Variants in RPL27A observed in about 807,000 individuals in gnomAD.
The protein encoded by RPL27A is ribosomal protein L27a.
For missense variants in RPL27A, 118 were observed against 189.4 expected, an observed-to-expected ratio of 0.62 and a Z score of 2.21; for synonymous variants, 69 against 68.3, an observed-to-expected ratio of 1.01 and a Z score of -0.05.
Position 8,685,959 on chromosome 11 carries a change from CT to C in RPL27A, c.*154del, listed in dbSNP as rs2039583588. The stretch of plus-strand genomic sequence containing the variant: ...GACATGGGGTCCTCTCCTGACTTCC[CT>C]CAAATATATGGTAAACGTAAGACCA... On this transcript the variant is annotated 3_prime_UTR_variant, in exon 5 of 5. Transcript: ENST00000314138. The C allele has an allele frequency of 4.6e-6, 3 of 655,824 alleles. No individual in the cohort carries two copies. The highest frequency in any genetic ancestry group is 2.9e-5 in the Admixed American group (1 of 34,186). 40.6% of individuals were successfully genotyped at this position (655,824 alleles called of 1,614,324 possible). A position where few individuals can be genotyped will look rare whatever the true frequency, so the allele number is the denominator to read the frequency against.
chr11:8,683,933 T>A (rs7951084), intron 2 of RPL27A, 73 bp from the exon 3 acceptor site: 2 of 1,207,264 alleles, frequency 1.7e-6, no homozygotes, highest in Non-Finnish European at 2.4e-6. Flanking sequence ...CTACCCCCCC[T>A]CGTCCTCCTA....
Position 8,684,863 on chromosome 11 carries a change from G to A in RPL27A, c.289G>A (p.Ala97Thr), listed in dbSNP as rs771866264. 1.9e-6 allele frequency: 3 copies of A among 1,614,138 alleles called. No individual in the cohort carries two copies. Among genetic ancestry groups the A allele is most frequent in the Non-Finnish European group, 2.5e-6 (3 of 1,179,986 alleles). ...RVNAAKNKTG[A>T]APIIDVVRSG... ...GAATGCTGCTAAAAACAAGACTGGG[G>A]CTGCTCCCATCATTGATGTGGTGCG... The change falls in exon 4 of 5, where the codon GCT becomes ACT. Residue 97 changes from alanine to threonine, a missense_variant. Coordinates refer to ENST00000314138, the MANE Select transcript of RPL27A (RefSeq NM_000990.5).
At chr11:8,683,305 CTT>C in intron 2 of RPL27A, 40 bp downstream of exon 2, 2 of 1,569,012 alleles carry the variant, frequency 1.3e-6, no homozygotes, top group Non-Finnish European at 1.8e-6. Flanking sequence ...CTTGGGCTCT[CTT>C]CGGGTGCTTA....
rs2039607635 is a variant in RPL27A at position 8,688,530 on chromosome 11, C to T, written c.*2724C>T. On this transcript the variant is annotated 3_prime_UTR_variant, in exon 5 of 5. Coordinates refer to ENST00000314138, the MANE Select transcript of RPL27A (RefSeq NM_000990.5). ...CTAAAATATTTTCATGACTGCCAAGCTTTGAATAGCCTGCTGTGTTCATGG... is the reference window on the plus strand; with the variant it reads ...CTAAAATATTTTCATGACTGCCAAGTTTTGAATAGCCTGCTGTGTTCATGG... 6.6e-6 allele frequency: 1 copy of T among 152,228 alleles called. No homozygotes were observed. The highest frequency in any genetic ancestry group is 6.5e-5 in the Admixed American group (1 of 15,286). 9.4% of individuals were successfully genotyped at this position (152,228 alleles called of 1,614,324 possible).
At chr11:8,683,829 C>A (rs780894951) in intron 2 of RPL27A, 177 bp from the exon 3 acceptor site, 88 of 625,324 alleles carry the variant, frequency 1.4e-4, no homozygotes, top group Admixed American at 2.3e-4. Context: ...AGGTGTGCGC[C>A]ACGACGCCCG....
At chr11:8,684,669 T>C in intron 3 of RPL27A, 49 bp from the exon 4 acceptor site, 1 of 1,516,384 alleles carries the variant, frequency 6.6e-7, no homozygotes, top group Non-Finnish European at 9.1e-7. Flanking sequence ...ATGATAAACA[T>C]AGCATCTTAA....
intron 3 of RPL27A, chr11:8,684,344 G>T (rs1294553795): frequency 2.7e-6 from 2 of 734,834 alleles, no homozygotes; most frequent in Non-Finnish European, 5.0e-6. Flanking sequence ...CAGTCACCAG[G>T]TTAGAGACAT....
intron 1 of RPL27A, 87 bp from the exon 2 acceptor site, chr11:8,683,115 C>T: frequency 7.3e-7 from 1 of 1,377,930 alleles, no homozygotes; most frequent in Non-Finnish European, 1.0e-6. Context: ...GTCTTTGACC[C>T]ACAGGCTTAC....
At chr11:8,684,497 G>A (rs907618992) in intron 3 of RPL27A, 17 of 677,630 alleles carry the variant, frequency 2.5e-5, no homozygotes, top group Non-Finnish European at 4.5e-5. Flanking sequence ...TGACATTGTC[G>A]GTGGTTTATC....
rs112745188 is a variant in RPL27A at position 8,686,172 on chromosome 11, T to C, written c.*366T>C. 4.8e-3 allele frequency: 923 copies of C among 192,978 alleles called. 8 individuals carry two copies. Among genetic ancestry groups the C allele is most frequent in the African/African-American group, 0.02 (856 of 42,956 alleles). The allele number at this position is 192,978 out of a possible 1,614,324, so 12.0% of individuals were successfully genotyped here. Reference sequence around the variant, plus strand: ...GGTCACATTCTAAAGAGGGGCAGTGTGATAGGAATGAGATGGTCCTTTAGG... The same window carrying C: ...GGTCACATTCTAAAGAGGGGCAGTGCGATAGGAATGAGATGGTCCTTTAGG... On this transcript the variant is annotated 3_prime_UTR_variant, in exon 5 of 5. Transcript: ENST00000314138.
chr11:8,685,551 G>C, intron 4 of RPL27A, 127 bp from the exon 5 acceptor site: 1 of 1,046,736 alleles, frequency 9.6e-7, no homozygotes, highest in Non-Finnish European at 1.5e-6. Context: ...CCCCGTTAGT[G>C]CCCAGATCAG....
intron 4 of RPL27A, chr11:8,685,407 G>T (rs781324056): frequency 2.2e-5 from 14 of 624,940 alleles, no homozygotes; most frequent in South Asian, 1.2e-4. Context: ...TGCTTAGCAG[G>T]GGGTATTTGA....
chr11:8,683,927 C>G (rs765909165), intron 2 of RPL27A, 79 bp from the exon 3 acceptor site: 2 of 1,125,146 alleles, frequency 1.8e-6, no homozygotes, highest in Non-Finnish European at 1.3e-6. Context: ...GGTGATCTAC[C>G]CCCCCTCGTC....
chr11:8,685,407 G>C (rs781324056), intron 4 of RPL27A: 7 of 624,828 alleles, frequency 1.1e-5, no homozygotes, highest in East Asian at 3.7e-5. Flanking sequence ...TGCTTAGCAG[G>C]GGGTATTTGA....
At chr11:8,683,839 G>C (rs1242815318) in intron 2 of RPL27A, 167 bp from the exon 3 acceptor site, 4 of 649,382 alleles carry the variant, frequency 6.2e-6, no homozygotes, top group Non-Finnish European at 1.1e-5. Context: ...CACGACGCCC[G>C]GCTAATTCTT....
Position 8,688,463 on chromosome 11 carries a change from C to T in RPL27A, c.*2657C>T, listed in dbSNP as rs2039607200. The stretch of plus-strand genomic sequence containing the variant: ...GGAACAGACGAAAATAGTTTTGAGC[C>T]CTAAGTCCGCCGATTCCAGTGCTTT... On this transcript the variant is annotated 3_prime_UTR_variant, in exon 5 of 5. Coordinates refer to ENST00000314138, the MANE Select transcript of RPL27A (RefSeq NM_000990.5). 6.6e-6 allele frequency: 1 copy of T among 152,174 alleles called. No individual in the cohort carries two copies. The highest frequency in any genetic ancestry group is 2.4e-5 in the African/African-American group (1 of 41,422). 9.4% of individuals were successfully genotyped at this position (152,174 alleles called of 1,614,324 possible). A position where few individuals can be genotyped will look rare whatever the true frequency, so the allele number is the denominator to read the frequency against.
At chr11:8,684,110 C>T (rs1447801497) in intron 3 of RPL27A, 29 bp downstream of exon 3, 2 of 1,586,224 alleles carry the variant, frequency 1.3e-6, no homozygotes, top group East Asian at 2.2e-5. Context: ...CTTTTATTGA[C>T]ACAGCTTGGG....
chr11:8,684,153 A>T (rs1455512078), intron 3 of RPL27A, 72 bp downstream of exon 3: 8 of 1,257,268 alleles, frequency 6.4e-6, no homozygotes, highest in Non-Finnish European at 9.3e-6. Context: ...GGCTTAAACA[A>T]AAAGTTTAGA....
Position 8,688,660 on chromosome 11 carries a change from TG to T in RPL27A, c.*2857del, listed in dbSNP as rs1187350544. The T allele has an allele frequency of 6.6e-6, 1 of 152,254 alleles. No homozygotes were observed. Among genetic ancestry groups the T allele is most frequent in the East Asian group, 1.9e-4 (1 of 5,198 alleles). 9.4% of individuals were successfully genotyped at this position (152,254 alleles called of 1,614,324 possible). ...CCTTAAATATAGTTGCGTTCAAACG[TG>T]GGAGCTGCAGGTGCAACTTGATTTT... On this transcript the variant is annotated 3_prime_UTR_variant, in exon 5 of 5. Transcript: ENST00000314138.
Sources: allele counts gnomAD v4.1 joint callset, GRCh38; gene constraint gnomAD v4.1.1; transcripts MANE v1.5; gene names NCBI Gene and HGNC (gene_info 2026-07-23, HGNC 2026-07-21).